RIMS2: variants seen among roughly 807,000 people sequenced by gnomAD.
RIMS2 encodes the protein regulating synaptic membrane exocytosis protein 2.
In RIMS2, 59 loss-of-function variants were observed where a neutral mutation model predicts 174.4. The observed-to-expected ratio is 0.34, with a 90% CI of 0.27 to 0.42. The LOEUF is 0.42. RIMS2 is among the 10% of genes least tolerant of loss of function. The pLI, the probability that RIMS2 is intolerant of heterozygous loss-of-function variation, is 1.00. For missense variants in RIMS2, 1,620 were observed against 1,666.3 expected, an observed-to-expected ratio of 0.97 and a Z score of 0.48; for synonymous variants, 606 against 572.5, an observed-to-expected ratio of 1.06 and a Z score of -0.84.
intron 3 of RIMS2, among the ~76,000 whole-genome samples, chr8:103,869,256 C>T (rs1174042797): frequency 3.3e-5 from 5 of 150,470 alleles, no homozygotes; most frequent in African/African-American, 1.2e-4. Flanking sequence ...AGTGCAATGG[C>T]GTGATCTCTG....
intron 19 of RIMS2, among the ~76,000 whole-genome samples, chr8:104,150,488 G>T (rs1403631879): frequency 6.6e-6 from 1 of 152,122 alleles, no homozygotes; most frequent in African/African-American, 2.4e-5. Flanking sequence ...GATGCTCAGA[G>T]GAAGGCCACT....
chr8:104,019,130 A>C (rs938461496), intron 19 of RIMS2, among the ~76,000 whole-genome samples: 1 of 152,116 alleles, frequency 6.6e-6, no homozygotes, highest in Non-Finnish European at 1.5e-5. Flanking sequence ...CCTGGGAGGC[A>C]GAGGTTGCAG....
chr8:103,697,334 C>A, intron 2 of RIMS2, 38 bp downstream of exon 4: 1 of 1,443,526 alleles, frequency 6.9e-7, no homozygotes, highest in Non-Finnish European at 9.8e-7. Context: ...TCTAGTTAAG[C>A]TTATTGTGTT....
chr8:104,013,485 T>TC lies in RIMS2; in HGVS notation c.3089dup (p.Thr1031AsnfsTer8). On this transcript the variant is annotated frameshift_variant, in exon 18 of 24. Transcript: ENST00000504942. LOFTEE classifies it high-confidence loss of function. Reference sequence around the variant, plus strand: ...TAGACAGCCATATCACAGATCCAGATCAACAGAACAACGGCCTCTCCTTGA... The same window carrying TC: ...TAGACAGCCATATCACAGATCCAGATCCAACAGAACAACGGCCTCTCCTTGA... 2 of 1,613,816 alleles carry TC rather than the reference T, an allele frequency of 1.2e-6. No individual in the cohort carries two copies. Among genetic ancestry groups the TC allele is most frequent in the Non-Finnish European group, 1.7e-6 (2 of 1,179,814 alleles).
At chr8:104,223,300 C>T (rs1295321943) in intron 19 of RIMS2, 1 of 901,494 alleles carries the variant, frequency 1.1e-6, no homozygotes, top group Non-Finnish European at 1.3e-6. Flanking sequence ...ACCGCAGCAT[C>T]AGCGGCATCT....
chr8:103,612,618 A>T (rs1387903644), intron 1 of RIMS2, among the ~76,000 whole-genome samples: 1 of 152,034 alleles, frequency 6.6e-6, no homozygotes, highest in East Asian at 1.9e-4. Context: ...TTGTGCTGTC[A>T]CCCAGGCTGG....
intron 17 of RIMS2, among the ~76,000 whole-genome samples, chr8:104,003,517 G>A (rs750806831): frequency 2.6e-5 from 4 of 151,800 alleles, no homozygotes; most frequent in South Asian, 4.1e-4. Context: ...AGGTTCAAGC[G>A]ATTCTCCTGC....
At chr8:103,820,700 T>G (rs2098746662) in intron 3 of RIMS2, among the ~76,000 whole-genome samples, 2 of 151,862 alleles carry the variant, frequency 1.3e-5, no homozygotes, top group Non-Finnish European at 2.9e-5. Flanking sequence ...TATCTATTTC[T>G]TATAAAATTT....
chr8:104,240,533 T>C (rs1486403314), intron 19 of RIMS2, among the ~76,000 whole-genome samples: 1 of 152,250 alleles, frequency 6.6e-6, no homozygotes, highest in Non-Finnish European at 1.5e-5. Flanking sequence ...AAAGGGCTAC[T>C]ATAAATGTTC....
intron 14 of RIMS2, among the ~76,000 whole-genome samples, chr8:103,950,100 A>G (rs995139654): frequency 2.0e-5 from 3 of 152,292 alleles, no homozygotes. Context: ...GAGTAGCCCA[A>G]TATCTATTTG....
intron 2 of RIMS2, among the ~76,000 whole-genome samples, chr8:103,732,131 T>C (rs1357350681): frequency 6.6e-6 from 1 of 152,214 alleles, no homozygotes; most frequent in Non-Finnish European, 1.5e-5. Flanking sequence ...AAGTTTTTGG[T>C]CACTGTAGCC....
chr8:103,617,597 T>C (rs2095535545), intron 1 of RIMS2, among the ~76,000 whole-genome samples: 1 of 152,172 alleles, frequency 6.6e-6, no homozygotes, highest in Non-Finnish European at 1.5e-5. Context: ...AGAAAATATT[T>C]GCAGAGTGTG....
chr8:103,606,518 T>A (rs376139853), intron 1 of RIMS2, among the ~76,000 whole-genome samples: 1 of 152,188 alleles, frequency 6.6e-6, no homozygotes, highest in Non-Finnish European at 1.5e-5. Flanking sequence ...CTATTAGGTC[T>A]GCTTGGTGCA....
chr8:103,806,911 G>T (rs1322885588), intron 3 of RIMS2, among the ~76,000 whole-genome samples: 5 of 152,062 alleles, frequency 3.3e-5, no homozygotes, highest in Non-Finnish European at 1.5e-5. Flanking sequence ...GAAAAAAAAT[G>T]GGAGGAACAG....
At chr8:104,057,063 C>CTTTTTTTTTTT (rs749665730) in intron 19 of RIMS2, among the ~76,000 whole-genome samples, 9 of 135,416 alleles carry the variant, frequency 6.6e-5, no homozygotes, top group East Asian at 4.2e-4. Context: ...TTTTCTTTTT[C>CTTTTTTTTTTT]TTTTTTTTTT....
intron 12 of RIMS2, among the ~76,000 whole-genome samples, chr8:103,935,433 A>C (rs2081026013): frequency 6.6e-6 from 1 of 152,186 alleles, no homozygotes; most frequent in Non-Finnish European, 1.5e-5. Flanking sequence ...TTCATCATTC[A>C]AGTAAAATCT....
At chr8:103,505,144 C>T (rs1269483039) in intron 1 of RIMS2, among the ~76,000 whole-genome samples, 2 of 151,914 alleles carry the variant, frequency 1.3e-5, no homozygotes, top group East Asian at 1.9e-4. Flanking sequence ...GTGAGCAACC[C>T]GCAGCCCCCA....
At chr8:103,510,179 G>T (rs1427676630) in intron 1 of RIMS2, among the ~76,000 whole-genome samples, 4 of 152,104 alleles carry the variant, frequency 2.6e-5, no homozygotes, top group African/African-American at 4.8e-5. Flanking sequence ...TAGGGGAAAA[G>T]GATACACTAA....
At chr8:103,590,596 T>A (rs1463573539) in intron 1 of RIMS2, among the ~76,000 whole-genome samples, 2 of 151,090 alleles carry the variant, frequency 1.3e-5, no homozygotes, top group African/African-American at 4.8e-5. Context: ...ATCTAGATGT[T>A]ACAATTAACA....
Sources: allele counts gnomAD v4.1 joint callset (sites outside exome capture counted in the v4.1 genomes callset), GRCh38; gene constraint gnomAD v4.1.1; transcripts MANE v1.5; gene names NCBI Gene and HGNC (gene_info 2026-07-23, HGNC 2026-07-21).